The following WDR27 variants were observed in gnomAD, a reference collection of about 807,000 sequenced individuals.
The protein encoded by WDR27 is WD repeat domain 27.
In WDR27, 100 loss-of-function variants were observed where a neutral mutation model predicts 114.4. The ratio of observed to expected loss-of-function variants is 0.87; its 90% confidence interval spans 0.74 to 1.03. The LOEUF (loss-of-function observed/expected upper bound fraction) is 1.03, where lower values mean the gene tolerates loss of function less well. Among genes scored for constraint, WDR27 ranks in the 50% least tolerant of loss-of-function variants. WDR27 has a pLI of 0.00. For synonymous variants in WDR27, 449 were observed against 423.1 expected (o/e 1.06, Z -0.75); for missense variants, 1,129 against 1,092.9 (o/e 1.03, Z -0.47).
At chr6:169,530,099 G>T (rs1795411654) in intron 25 of WDR27, among the ~76,000 whole-genome samples, 1 of 152,246 alleles carries the variant, frequency 6.6e-6, no homozygotes, top group Non-Finnish European at 1.5e-5. Context: ...GGAAGCCACA[G>T]CAATGAGTGT....
intron 22 of WDR27, among the ~76,000 whole-genome samples, chr6:169,613,030 T>C (rs1810955729): frequency 6.6e-6 from 1 of 152,272 alleles, no homozygotes; most frequent in Admixed American, 6.5e-5. Context: ...ACTAAGGTGC[T>C]TTCTAACTTT....
At chr6:169,605,581 G>A (rs1808974904) in intron 22 of WDR27, among the ~76,000 whole-genome samples, 1 of 101,274 alleles carries the variant, frequency 9.9e-6, no homozygotes. Context: ...AAATACCAAT[G>A]TCATTTTTTA....
In WDR27 at chr6:169,613,651, T is replaced by C. The variant is rs1227930596; in HGVS notation, c.2229A>G (p.Ser743=). The C allele has an allele frequency of 6.2e-7, 1 of 1,612,190 alleles. No homozygotes were observed. The highest frequency in any genetic ancestry group is 8.5e-7 in the Non-Finnish European group (1 of 1,178,588). ...PVHQICQNKG[S]SFTTQQPQAY... ...CCTGAGGCTGTTGGGTTGTAAATGA[T>C]GAACCCTATAATTTTAAGGGGGAAA... Residue 743 remains serine (S), a synonymous_variant, in exon 22 of 26, where the codon TCA becomes TCG. Coordinates refer to ENST00000448612, the MANE Select transcript of WDR27 (RefSeq NM_182552.5).
intron 20 of WDR27, among the ~76,000 whole-genome samples, chr6:169,633,496 G>C (rs1458735289): frequency 1.3e-5 from 2 of 152,218 alleles, no homozygotes; most frequent in African/African-American, 4.8e-5. Context: ...CAGGCTTCAC[G>C]ATGGGAGACA....
chr6:169,451,418 G>T, the WDR27 span, among the ~76,000 whole-genome samples: 1 of 152,124 alleles, frequency 6.6e-6, no homozygotes, highest in African/African-American at 2.4e-5. Context: ...ACCTCCTGAG[G>T]CTGTGTCACG....
rs374490099 is a variant in WDR27 at position 169,540,809 on chromosome 6, A to C, written c.2645+31610T>G. ...ATGAACCTGGACCTGGTATTTTCTA[A>C]CCCTGAGACATAGCTGAGGCCTGAG... On this transcript the variant is annotated intron_variant, in intron 25 of 25. Transcript: ENST00000448612. Among the ~76,000 whole-genome samples, 7 of 152,110 alleles carry C rather than the reference A, an allele frequency of 4.6e-5. No homozygotes were observed. The South Asian group carries it at 1.5e-3, about 32-fold the overall frequency.
intron 23 of WDR27, among the ~76,000 whole-genome samples, chr6:169,589,810 G>A (rs1394664442): frequency 6.6e-6 from 1 of 152,172 alleles, no homozygotes. Flanking sequence ...CAATCCATGT[G>A]TGAAAGAAAC....
At chr6:169,526,111 T>A (rs1235711320) in intron 25 of WDR27, among the ~76,000 whole-genome samples, 2 of 152,090 alleles carry the variant, frequency 1.3e-5, no homozygotes, top group African/African-American at 4.8e-5. Context: ...GAGAAATCAA[T>A]TAACGGGCAC....
intron 25 of WDR27, among the ~76,000 whole-genome samples, chr6:169,520,300 G>A (rs1794212185): frequency 1.3e-5 from 2 of 152,118 alleles, no homozygotes. Context: ...TACTAGAACT[G>A]AGGCAAACCT....
At chr6:169,473,465 T>C (rs986929021) in intron 25 of WDR27, among the ~76,000 whole-genome samples, 1 of 152,164 alleles carries the variant, frequency 6.6e-6, no homozygotes, top group African/African-American at 2.4e-5. Context: ...AGGAGTCTCT[T>C]GGGCAAGGTG....
intron 25 of WDR27, among the ~76,000 whole-genome samples, chr6:169,522,336 A>T (rs1412915938): frequency 6.6e-6 from 1 of 152,024 alleles, no homozygotes; most frequent in Non-Finnish European, 1.5e-5. Context: ...AACATTAATA[A>T]ATCTAAAGGG....
At chr6:169,544,470 G>A (rs1218650255) in intron 25 of WDR27, among the ~76,000 whole-genome samples, 7 of 142,196 alleles carry the variant, frequency 4.9e-5, no homozygotes, top group East Asian at 2.1e-4. Context: ...ATGGAGTCTC[G>A]CTCTGTCACC....
chr6:169,495,644 GAAC>G (rs1181804587), intron 25 of WDR27, among the ~76,000 whole-genome samples: 3 of 152,036 alleles, frequency 2.0e-5, no homozygotes, highest in Non-Finnish European at 2.9e-5. Flanking sequence ...GCAGCACTAT[GAAC>G]AACTGTATAC....
the WDR27 span, among the ~76,000 whole-genome samples, chr6:169,432,499 C>T: frequency 1.3e-5 from 2 of 152,138 alleles, no homozygotes; most frequent in Non-Finnish European, 2.9e-5. Context: ...CAGTTTTCTC[C>T]ATACTGTTCT....
chr6:169,428,348 G>A, the WDR27 span, among the ~76,000 whole-genome samples: 1 of 152,058 alleles, frequency 6.6e-6, no homozygotes, highest in Non-Finnish European at 1.5e-5. Flanking sequence ...GAAAAGTTAG[G>A]GAAACGTTTT....
chr6:169,427,522 C>T, the WDR27 span, among the ~76,000 whole-genome samples: 3 of 152,076 alleles, frequency 2.0e-5, no homozygotes, highest in African/African-American at 7.2e-5. Flanking sequence ...ATCTCAGATC[C>T]AGGAGAGAGG....
intron 6 of WDR27, chr6:169,666,333 A>T (rs1430622277): frequency 5.3e-6 from 5 of 943,246 alleles, no homozygotes; most frequent in African/African-American, 1.8e-5. Context: ...AAGAATGTTA[A>T]ATCTTTGAGA....
chr6:169,608,002 T>C lies in WDR27; in HGVS notation c.2321+5557A>G, dbSNP rs567371113. Among the ~76,000 whole-genome samples, 91 of 152,320 alleles carry C rather than the reference T, an allele frequency of 6.0e-4. No individual in the cohort carries two copies. In the Middle Eastern group the frequency reaches 0.01, roughly 17 times the overall value. On this transcript the variant is annotated intron_variant, in intron 22 of 25. Coordinates refer to ENST00000448612, the MANE Select transcript of WDR27 (RefSeq NM_182552.5). The stretch of plus-strand genomic sequence containing the variant: ...CCTACTACACACCTAAGCTGTGTGG[T>C]GTAGCCTATTGCTCCTAGGCTACAA...
chr6:169,687,088 C>T (rs1454189605), intron 2 of WDR27, among the ~76,000 whole-genome samples: 7 of 152,072 alleles, frequency 4.6e-5, no homozygotes, highest in Non-Finnish European at 1.0e-4. Context: ...AGGAAAATTA[C>T]AGTTAATAAT....
Sources: allele counts gnomAD v4.1 joint callset (sites outside exome capture counted in the v4.1 genomes callset), GRCh38; gene constraint gnomAD v4.1.1; transcripts MANE v1.5; gene names NCBI Gene and HGNC (gene_info 2026-07-23, HGNC 2026-07-21).